The following PPP5C variants were observed in gnomAD, a reference collection of about 807,000 sequenced individuals.
PPP5C encodes protein phosphatase 5 catalytic subunit.
A neutral mutation model predicts 66.7 loss-of-function variants in PPP5C; 21 were observed. The observed-to-expected ratio is 0.31, with a 90% CI of 0.22 to 0.45. The LOEUF (loss-of-function observed/expected upper bound fraction) is 0.45. Among genes scored for constraint, PPP5C ranks in the 20% least tolerant of loss-of-function variants. The pLI, the probability that PPP5C is intolerant of heterozygous loss-of-function variation, is 1.00. For synonymous variants in PPP5C, 246 were observed against 257.4 expected (o/e 0.96, Z 0.43); for missense variants, 464 against 675.9 (o/e 0.69, Z 3.48).
At chr19:46,374,703 G>A (rs565212478) in intron 2 of PPP5C, among the ~76,000 whole-genome samples, 24 of 152,324 alleles carry the variant, frequency 1.6e-4, no homozygotes, top group Admixed American at 5.2e-4. Flanking sequence ...AAGGGGGACC[G>A]TGAAGAGCAG....
intron 7 of PPP5C, among the ~76,000 whole-genome samples, chr19:46,386,293 G>A (rs763369747): frequency 7.9e-5 from 12 of 152,220 alleles, no homozygotes; most frequent in South Asian, 2.1e-4. Context: ...TGCCCATGGC[G>A]GGGCCGGGGT....
At chr19:46,387,579 C>T in intron 9 of PPP5C, 126 bp downstream of exon 9, 3 of 1,561,908 alleles carry the variant, frequency 1.9e-6, no homozygotes, top group South Asian at 2.3e-5. Flanking sequence ...GGGTCTGAGC[C>T]TCAGTTTCCT....
chr19:46,359,251 T>C (rs540059556), intron 2 of PPP5C, among the ~76,000 whole-genome samples: 2 of 152,222 alleles, frequency 1.3e-5, no homozygotes, highest in South Asian at 4.2e-4. Flanking sequence ...AAGTCACTGA[T>C]TTATACAGCT....
intron 3 of PPP5C, 89 bp downstream of exon 3, chr19:46,375,840 G>T: frequency 6.7e-7 from 1 of 1,491,722 alleles, no homozygotes; most frequent in Non-Finnish European, 9.0e-7. Context: ...GGGCTCAGGG[G>T]TGGCCCCTTG....
intron 2 of PPP5C, among the ~76,000 whole-genome samples, chr19:46,365,377 C>T (rs986631398): frequency 2.6e-5 from 4 of 152,118 alleles, no homozygotes; most frequent in African/African-American, 9.7e-5. Flanking sequence ...CTCAGCCTCC[C>T]AAAGTGCTGG....
chr19:46,364,465 G>C (rs1298514132), intron 2 of PPP5C, among the ~76,000 whole-genome samples: 3 of 152,104 alleles, frequency 2.0e-5, no homozygotes, highest in South Asian at 2.1e-4. Flanking sequence ...TTTTTAAACA[G>C]ATAGCAAACC....
At chr19:46,356,730 G>A (rs995150609) in intron 2 of PPP5C, among the ~76,000 whole-genome samples, 10 of 152,202 alleles carry the variant, frequency 6.6e-5, no homozygotes, top group Non-Finnish European at 1.5e-4. Flanking sequence ...AATTAAAAAC[G>A]GTTCATTGTT....
Position 46,347,181 on chromosome 19 carries a change from G to A in PPP5C, c.85G>A (p.Glu29Lys). The A allele has an allele frequency of 6.2e-7, 1 of 1,606,694 alleles. No homozygotes were observed. The highest frequency in any genetic ancestry group is 8.5e-7 in the Non-Finnish European group (1 of 1,177,022). Reference protein sequence around the residue: ...PPADGALKRAEELKTQANDYF... With the variant: ...PPADGALKRAKELKTQANDYF... Reference sequence around the variant, plus strand: ...GGCTGATGGAGCTCTGAAGCGGGCAGAGGAGCTCAAGACTCAGGCCAATGA... The same window carrying A: ...GGCTGATGGAGCTCTGAAGCGGGCAAAGGAGCTCAAGACTCAGGCCAATGA... Residue 29 changes from glutamate to lysine, a missense_variant, in exon 1 of 13, where the codon GAG becomes AAG. Glu to Lys is a moderately conservative substitution (Grantham distance 56, BLOSUM62 1). Around this residue, in one of 2 missense-constraint regions of PPP5C, gnomAD observed 77 missense variants for 49.9 expected, o/e 1.54. Transcript: ENST00000012443.
chr19:46,384,780 G>A, intron 6 of PPP5C, 24 bp from the exon 7 acceptor site: 2 of 1,575,808 alleles, frequency 1.3e-6, no homozygotes, highest in East Asian at 2.2e-5. Context: ...CTCCACGCTT[G>A]CCATGTTTTC....
At chr19:46,358,732 T>C (rs548590749) in intron 2 of PPP5C, among the ~76,000 whole-genome samples, 15 of 152,278 alleles carry the variant, frequency 9.9e-5, no homozygotes, top group African/African-American at 3.4e-4. Context: ...GGAGGAGTGA[T>C]TACAAAGGGT....
At position 46,383,182 on chromosome 19, in the gene PPP5C, T is replaced by C. The variant is rs1000295330; in HGVS notation, c.634-229T>C. The C allele has an allele frequency of 2.0e-6, 3 of 1,490,662 alleles. No individual in the cohort carries two copies. Among genetic ancestry groups the C allele is most frequent in the Admixed American group, 2.1e-5 (1 of 47,110 alleles). 92.3% of individuals were successfully genotyped at this position (1,490,662 alleles called of 1,614,324 possible). On this transcript the variant is annotated intron_variant, in intron 4 of 12. Coordinates refer to ENST00000012443, the MANE Select transcript of PPP5C (RefSeq NM_006247.4). The surrounding 1 kb of genome is among the most constrained non-coding windows in gnomAD (Gnocchi z 5.0). The stretch of plus-strand genomic sequence containing the variant: ...TTAAGATAATTCAAGAATCAGGTTT[T>C]CGTACAAAACAATCGCAATGCTTCG...
rs1568573317 is a variant in PPP5C, at chr19:46,376,006, GT to G, written c.511+256del. Among the ~76,000 whole-genome samples, 1 of 152,174 alleles carries G rather than the reference GT, an allele frequency of 6.6e-6. No homozygotes were observed. Among genetic ancestry groups the G allele is most frequent in the East Asian group, 1.9e-4 (1 of 5,178 alleles). On this transcript the variant is annotated intron_variant, in intron 3 of 12. Transcript: ENST00000012443. The surrounding 1 kb of genome is among the most constrained non-coding windows in gnomAD (Gnocchi z 5.1). Reference sequence around the variant, plus strand: ...GGCCCTTCCTCCGGGTAGTAGCACAGTCCCCACAGGCTGTGTCTGATTCACC... The same window carrying G: ...GGCCCTTCCTCCGGGTAGTAGCACAGCCCCACAGGCTGTGTCTGATTCACC...
At chr19:46,352,698 T>G (rs1972209835) in intron 1 of PPP5C, among the ~76,000 whole-genome samples, 1 of 151,834 alleles carries the variant, frequency 6.6e-6, no homozygotes. Context: ...CGGGCGCCTA[T>G]AGTCCCAGCT....
intron 2 of PPP5C, among the ~76,000 whole-genome samples, chr19:46,357,402 C>G (rs537667285): frequency 6.6e-6 from 1 of 152,300 alleles, no homozygotes; most frequent in Non-Finnish European, 1.5e-5. Flanking sequence ...ATTTCTGTGA[C>G]CACTGGTCAC....
chr19:46,350,969 C>T (rs1303607894), intron 1 of PPP5C, among the ~76,000 whole-genome samples: 1 of 152,116 alleles, frequency 6.6e-6, no homozygotes, highest in East Asian at 1.9e-4. Flanking sequence ...AGGCCTATTC[C>T]AGAAATCCTG....
Position 46,387,469 on chromosome 19 carries a change from C to T in PPP5C, c.1135+16C>T, listed in dbSNP as rs761330920. ...CCAGATTCAGGTGAGCAGCGCGGGGCCAGGTGTCTCCAGCAGAAAGGGGCA... is the reference window on the plus strand; with the variant it reads ...CCAGATTCAGGTGAGCAGCGCGGGGTCAGGTGTCTCCAGCAGAAAGGGGCA... On this transcript the variant is annotated intron_variant, in intron 9 of 12. Coordinates refer to ENST00000012443, the MANE Select transcript of PPP5C (RefSeq NM_006247.4). The T allele has an allele frequency of 1.9e-6, 3 of 1,614,032 alleles. No homozygotes were observed. The highest frequency in any genetic ancestry group is 1.1e-5 in the South Asian group (1 of 91,070).
intron 2 of PPP5C, among the ~76,000 whole-genome samples, chr19:46,363,307 CAAAAAAAAAAA>C (rs1158423038): frequency 3.2e-4 from 9 of 27,942 alleles, no homozygotes; most frequent in African/African-American, 1.7e-3. Flanking sequence ...GACTCCATCT[CAAAAAAAAAAA>C]AAAAAAAAAA....
At chr19:46,389,899 C>T (rs1972981785) in intron 11 of PPP5C, 152 bp from the exon 12 acceptor site, 2 of 653,878 alleles carry the variant, frequency 3.1e-6, no homozygotes, top group Non-Finnish European at 5.4e-6. Flanking sequence ...CTGGATTCGT[C>T]TTTCCCATCT....
chr19:46,375,863 G>A lies in PPP5C; in HGVS notation c.511+112G>A, dbSNP rs537815405. 58 of 1,449,550 alleles carry A rather than the reference G, an allele frequency of 4.0e-5. No individual in the cohort carries two copies. In the South Asian group the frequency reaches 6.4e-4, roughly 16 times the overall value. 89.8% of individuals were successfully genotyped at this position (1,449,550 alleles called of 1,614,324 possible). A position where few individuals can be genotyped will look rare whatever the true frequency, so the allele number is the denominator to read the frequency against. Reference sequence around the variant, plus strand: ...GGGTGGCCCCTTGTTCTGTCCCCAGGCTGGTGTCTGTCGCTCCTCTGCCTG... The same window carrying A: ...GGGTGGCCCCTTGTTCTGTCCCCAGACTGGTGTCTGTCGCTCCTCTGCCTG... On this transcript the variant is annotated intron_variant, in intron 3 of 12. Coordinates refer to ENST00000012443, the MANE Select transcript of PPP5C (RefSeq NM_006247.4).
Sources: allele counts gnomAD v4.1 joint callset (sites outside exome capture counted in the v4.1 genomes callset), GRCh38; gene constraint gnomAD v4.1.1; regional missense constraint gnomAD v4.1.1; non-coding constraint Gnocchi (gnomAD v3.1); transcripts MANE v1.5; gene names NCBI Gene and HGNC (gene_info 2026-07-23, HGNC 2026-07-21).